The following PRPF8 variants were observed in gnomAD, a reference collection of about 807,000 sequenced individuals.
PRPF8 encodes pre-mRNA-processing-splicing factor 8.
Under a neutral mutation model 285.9 loss-of-function variants are expected in PRPF8, and 64 were observed. The ratio of observed to expected loss-of-function variants is 0.22; its 90% CI spans 0.18 to 0.28. The LOEUF (loss-of-function observed/expected upper bound fraction) is 0.28. PRPF8 is among the 10% of genes least tolerant of loss of function. PRPF8 has a pLI of 1.00. For missense variants in PRPF8, 1,426 were observed against 3,026.7 expected (o/e 0.47, Z 12.41); for synonymous variants, 1,325 against 1,118.2 (o/e 1.18, Z -3.69).
In PRPF8 at chr17:1,679,798, C is replaced by T; in HGVS notation, c.1100G>A (p.Ser367Asn). 6.2e-7 allele frequency: 1 copy of T among 1,614,196 alleles called. No homozygotes were observed. Among genetic ancestry groups the T allele is most frequent in the Non-Finnish European group, 8.5e-7 (1 of 1,180,042 alleles). Residue 367 changes from serine (S) to asparagine (N), a missense_variant and splice_region_variant, in exon 9 of 43, where the codon AGC (serine) becomes AAC (asparagine). Coordinates refer to ENST00000304992, the MANE Select transcript of PRPF8 (RefSeq NM_006445.4). The surrounding 1 kb of genome is among the most constrained non-coding windows in gnomAD (Gnocchi z 4.7). ...ATCATCATCCGGCAATGGTTCCTGG[C>T]TCTGAAAAAGGAATCCCTCTAAGGG... ...NPISHRHSVK[S>N]QEPLPDDDEE...
intron 2 of PRPF8, among the ~76,000 whole-genome samples, chr17:1,684,098 G>A (rs1031126515): frequency 5.3e-5 from 8 of 152,212 alleles, no homozygotes; most frequent in Non-Finnish European, 8.8e-5. Context: ...TGTTGGCCAG[G>A]CTGGTCTCGA....
In PRPF8 at chr17:1,656,219, G is replaced by A. The variant is rs1031699296; in HGVS notation, c.5793+173C>T. Among the ~76,000 whole-genome samples, 25 of 152,140 alleles carry A rather than the reference G, an allele frequency of 1.6e-4. 1 individual carries two copies. The highest frequency in any genetic ancestry group is 5.8e-4 in the African/African-American group (24 of 41,430). On this transcript the variant is annotated intron_variant, in intron 36 of 42. Transcript: ENST00000304992. ...ATTACGGGCGTGAGCCACCACGCCC[G>A]GCCCCAAGAGTTGATTTTTAACTTT...
chr17:1,659,005 G>T lies in PRPF8; in HGVS notation c.5139-242C>A. ...AGTATGGAGCTAATGGAAAATACAC[G>T]GATTATTTATTTATTTATTATTATT... On this transcript the variant is annotated intron_variant, in intron 32 of 42. Coordinates refer to ENST00000304992, the MANE Select transcript of PRPF8 (RefSeq NM_006445.4). This position sits in a 1 kb window ranked among gnomAD's most constrained non-coding sequence, Gnocchi z 5.1. 1 of 600,682 alleles carries T rather than the reference G, an allele frequency of 1.7e-6. No homozygotes were observed. The highest frequency in any genetic ancestry group is 2.9e-6 in the Non-Finnish European group (1 of 340,764). The allele number at this position is 600,682 out of a possible 1,614,324, so 37.2% of individuals were successfully genotyped here.
intron 3 of PRPF8, chr17:1,683,220 C>A: frequency 2.5e-6 from 1 of 396,934 alleles, no homozygotes; most frequent in South Asian, 2.2e-5. Context: ...TGGTCTCGAT[C>A]TCCTGACCTC....
chr17:1,651,777 G>A lies in PRPF8; in HGVS notation c.6381C>T (p.Tyr2127=). ...ISDLRAQIAG[Y]LYGVSPPDNP... is the part of the protein sequence containing the mutation. ...TATCTGGTGGGCTCACCCCATATAG[G>A]TATCCTGCAATCTGGAGACAAAGGG... Residue 2127 remains tyrosine, a synonymous_variant, in exon 40 of 43, where the codon TAC becomes TAT. Coordinates refer to ENST00000304992, the MANE Select transcript of PRPF8 (RefSeq NM_006445.4). The surrounding 1 kb of genome is among the most constrained non-coding windows in gnomAD (Gnocchi z 5.1). 6.2e-7 allele frequency: 1 copy of A among 1,614,088 alleles called. No individual in the cohort carries two copies. The highest frequency in any genetic ancestry group is 1.6e-4 in the Middle Eastern group (1 of 6,062).
intron 24 of PRPF8, among the ~76,000 whole-genome samples, chr17:1,666,976 C>G (rs1297466180): frequency 6.6e-6 from 1 of 152,082 alleles, no homozygotes; most frequent in African/African-American, 2.4e-5. Context: ...AGTTTGAGAC[C>G]AGCCTGACCA....
intron 13 of PRPF8, among the ~76,000 whole-genome samples, chr17:1,678,015 G>C (rs941461563): frequency 6.6e-6 from 1 of 152,104 alleles, no homozygotes. Context: ...AAAGATCTGA[G>C]AAAGTTAAGT....
At chr17:1,656,119 C>T (rs1245731803) in intron 36 of PRPF8, among the ~76,000 whole-genome samples, 3 of 151,196 alleles carry the variant, frequency 2.0e-5, no homozygotes, top group African/African-American at 4.9e-5. Flanking sequence ...GATGGGGTCT[C>T]GTCATGTTGG....
In PRPF8 at chr17:1,679,701, G is replaced by T. The variant is rs1477796488; in HGVS notation, c.1197C>A (p.Ala399=). ...GGGCCCAGAGCAGGGCAATGCCATT[G>T]GCTGTATTGTCTGTATAGAGGGGTG... ...KDTPLYTDNT[A]NGIALLWAPR... The change falls in exon 9 of 43, where the codon GCC becomes GCA. Residue 399 remains alanine, a synonymous_variant. Transcript: ENST00000304992. The surrounding 1 kb of genome is among the most constrained non-coding windows in gnomAD (Gnocchi z 4.7). 2.5e-6 allele frequency: 4 copies of T among 1,614,026 alleles called. No homozygotes were observed. The African/African-American group carries it at 5.3e-5, about 22-fold the overall frequency.
At position 1,653,980 on chromosome 17, in the gene PRPF8, T is replaced by G; in HGVS notation, c.6024A>C (p.Arg2008=). 3.7e-6 allele frequency: 6 copies of G among 1,614,192 alleles called. No individual in the cohort carries two copies. Among genetic ancestry groups the G allele is most frequent in the Non-Finnish European group, 5.1e-6 (6 of 1,180,028 alleles). The part of the protein sequence containing the change: ...NVASLTQSEI[R]DIILGMEISA... The stretch of plus-strand genomic sequence containing the variant: ...AGATCTCCATACCCAGGATGATGTC[T>G]CGAATTTCTGATTGTGTCAGTGATG... Residue 2008 remains arginine, a synonymous_variant, in exon 38 of 43, where the codon CGA becomes CGC. Transcript: ENST00000304992. This position sits in a 1 kb window ranked among gnomAD's most constrained non-coding sequence, Gnocchi z 4.9.
chr17:1,667,538 C>CTTTT (rs34888623), intron 24 of PRPF8, among the ~76,000 whole-genome samples: 52 of 102,038 alleles, frequency 5.1e-4, no homozygotes, highest in Non-Finnish European at 7.0e-4. Context: ...CATGACATAG[C>CTTTT]TTTTTTTTTT....
At chr17:1,678,705 GCACAGGCTTCCTCCAGCGTCCT>G in intron 12 of PRPF8, 35 bp downstream of exon 12, 1 of 1,614,114 alleles carries the variant, frequency 6.2e-7, no homozygotes, top group Non-Finnish European at 8.5e-7. Flanking sequence ...TCCACGGTCA[GCACAGGCTTCCTCCAGCGTCCT>G]CACCCAGGCA....
intron 34 of PRPF8, among the ~76,000 whole-genome samples, chr17:1,657,336 G>C (rs1911439055): frequency 6.6e-6 from 1 of 152,184 alleles, no homozygotes; most frequent in African/African-American, 2.4e-5. Flanking sequence ...TTTGGTCAAA[G>C]TGGATGTTTC....
chr17:1,682,737 A>C (rs1256370107), intron 3 of PRPF8, among the ~76,000 whole-genome samples: 6 of 152,210 alleles, frequency 3.9e-5, no homozygotes. Flanking sequence ...CAGTTCTCTA[A>C]GTATTTTTTG....
rs1290296112 is a variant in PRPF8 at position 1,659,170 on chromosome 17, C to G, written c.5138+187G>C. On this transcript the variant is annotated intron_variant, in intron 32 of 42. Coordinates refer to ENST00000304992, the MANE Select transcript of PRPF8 (RefSeq NM_006445.4). The surrounding 1 kb of genome is among the most constrained non-coding windows in gnomAD (Gnocchi z 5.1). ...CCTTCTGAGTAGCTGGGACTACAGG[C>G]GTGGACCACCACGCCCAGCTAATTT... 4.2e-6 allele frequency: 3 copies of G among 708,294 alleles called. No individual in the cohort carries two copies. The highest frequency in any genetic ancestry group is 7.4e-6 in the Non-Finnish European group (3 of 403,036). 43.9% of individuals were successfully genotyped at this position (708,294 alleles called of 1,614,324 possible). A position where few individuals can be genotyped will look rare whatever the true frequency, so the allele number is the denominator to read the frequency against.
At chr17:1,654,974 TTTG>T in intron 37 of PRPF8, 5 of 196,356 alleles carry the variant, frequency 2.5e-5, no homozygotes, top group East Asian at 1.3e-4. Flanking sequence ...TTTTTTTTTT[TTTG>T]GAGACAGTCT....
rs138078286 is a variant in PRPF8, at chr17:1,672,427, C to T, written c.3774+654G>A. 3.6e-3 allele frequency among the ~76,000 whole-genome samples: 545 copies of T among 152,154 alleles called. 4 individuals are homozygous for T. The highest frequency in any genetic ancestry group is 0.013 in the African/African-American group (525 of 41,492). On this transcript the variant is annotated intron_variant, in intron 24 of 42. Transcript: ENST00000304992. ...CCCAAGTAGCTGCGATTACAGGCGC[C>T]GGCCACCAGGCCCGGTTAATTTTTG...
rs951063773 is a variant in PRPF8, at chr17:1,659,719, G to A, written c.4946+122C>T. 48 of 1,395,454 alleles carry A rather than the reference G, an allele frequency of 3.4e-5. 1 individual carries two copies. In the Admixed American group the frequency reaches 9.4e-4, roughly 27 times the overall value. 86.4% of individuals were successfully genotyped at this position (1,395,454 alleles called of 1,614,324 possible). On this transcript the variant is annotated intron_variant, in intron 31 of 42. Coordinates refer to ENST00000304992, the MANE Select transcript of PRPF8 (RefSeq NM_006445.4). The surrounding 1 kb of genome is among the most constrained non-coding windows in gnomAD (Gnocchi z 5.1). ...GACTAAGGGTGTTGACAGGCTCCAAGCGTAGCACTGGCTCCAAGTTTGAAA... is the reference window on the plus strand; with the variant it reads ...GACTAAGGGTGTTGACAGGCTCCAAACGTAGCACTGGCTCCAAGTTTGAAA...
In PRPF8 at chr17:1,681,692, T is replaced by C. The variant is rs747601015; in HGVS notation, c.654-2A>G. On this transcript the variant is annotated splice_acceptor_variant, in intron 5 of 42. Transcript: ENST00000304992. LOFTEE classifies it high-confidence loss of function. ...TGGTAAGTGGAGCCATTTACATACC[T>C]AGGTAAAAAATGAAAGGCCCACCTC... 1 of 1,613,944 alleles carries C rather than the reference T, an allele frequency of 6.2e-7. No homozygotes were observed. Among genetic ancestry groups the C allele is most frequent in the Non-Finnish European group, 8.5e-7 (1 of 1,179,904 alleles).
Sources: gnomAD v4.1 joint callset for allele counts (sites outside exome capture counted in the v4.1 genomes callset) on GRCh38, gnomAD v4.1.1 for gene constraint, Gnocchi (gnomAD v3.1) non-coding constraint, MANE v1.5 for transcripts, NCBI Gene and HGNC (gene_info 2026-07-23, HGNC 2026-07-21) for gene names.